Variants in DIDO1 observed in about 807,000 individuals in gnomAD.
DIDO1 encodes the protein death inducer-obliterator 1, also known as death-inducer obliterator 1.
In DIDO1, 16 loss-of-function variants were observed where a neutral mutation model predicts 99.4. That is an observed-to-expected ratio of 0.16 (90% CI 0.11 to 0.24). The LOEUF (loss-of-function observed/expected upper bound fraction) is 0.24, where lower values mean the gene tolerates loss of function less well. Among genes scored for constraint, DIDO1 ranks in the 10% least tolerant of loss-of-function variants. The pLI, the probability that DIDO1 is intolerant of heterozygous loss-of-function variation, is 1.00. For missense variants in DIDO1, 2,996 were observed against 3,014.0 expected (o/e 0.99, Z 0.14); for synonymous variants, 1,366 against 1,239.1 (o/e 1.10, Z -2.15).
intron 6 of DIDO1, among the ~76,000 whole-genome samples, chr20:62,900,653 A>T (rs979154749): frequency 6.6e-6 from 1 of 152,210 alleles, no homozygotes; most frequent in Non-Finnish European, 1.5e-5. Flanking sequence ...CCCACAGGGA[A>T]AGGAACTGGT....
intron 13 of DIDO1, among the ~76,000 whole-genome samples, 161 bp from the exon 14 acceptor site, chr20:62,892,237 C>G (rs2064413944): frequency 6.6e-6 from 1 of 152,214 alleles, no homozygotes; most frequent in Non-Finnish European, 1.5e-5. Context: ...TCCAGGATGA[C>G]AAGTGGCCAA....
intron 6 of DIDO1, among the ~76,000 whole-genome samples, chr20:62,897,383 CTGTT>C (rs2064560014): frequency 6.6e-6 from 1 of 152,222 alleles, no homozygotes; most frequent in African/African-American, 2.4e-5. Flanking sequence ...CAAGTGCAAA[CTGTT>C]TGTAAACTTC....
Position 62,896,235 on chromosome 20 carries a change from G to T in DIDO1, c.2212C>A (p.Gln738Lys). 2 of 1,612,968 alleles carry T rather than the reference G, an allele frequency of 1.2e-6. No individual in the cohort carries two copies. Among genetic ancestry groups the T allele is most frequent in the Non-Finnish European group, 1.7e-6 (2 of 1,179,642 alleles). Residue 738 changes from glutamine (Q) to lysine (K), a missense_variant and splice_region_variant, in exon 8 of 16, where the codon CAG (glutamine) becomes AAG (lysine). This residue lies in a region of DIDO1 where 898 missense variants were observed against 972.7 expected (regional missense o/e 0.92). Coordinates refer to ENST00000395343, the MANE Select transcript of DIDO1 (RefSeq NM_001193369.2). The surrounding 1 kb of genome is among the most constrained non-coding windows in gnomAD (Gnocchi z 4.4). ...IMFNLKDPKN[Q>K]GLFHRVLREE... ...ATGCACCGACACCAGGCACACACCT[G>T]ATTTTTAGGGTCCTTCAGGTTGAAC...
chr20:62,898,286 C>G (rs2064582525), intron 6 of DIDO1, among the ~76,000 whole-genome samples: 1 of 152,210 alleles, frequency 6.6e-6, no homozygotes, highest in South Asian at 2.1e-4. Context: ...GCATGTGCTG[C>G]CAGGCTTGGC....
rs371532569 is a variant in DIDO1, at chr20:62,880,381, G to A, written c.5575C>T (p.Pro1859Ser). 1.4e-5 allele frequency: 23 copies of A among 1,612,848 alleles called. No homozygotes were observed. Among genetic ancestry groups the A allele is most frequent in the Non-Finnish European group, 1.9e-5 (22 of 1,180,016 alleles). ...GGGGCGCCCGTCACCTCGTTATACG[G>A]GGCGTCCTGGAACTCCCTCTTCTCC... Reference protein sequence around the residue: ...HGEKREFQDAPYNEVTGAPAQ... With the variant: ...HGEKREFQDASYNEVTGAPAQ... The change falls in exon 16 of 16, where the codon CCG (proline) becomes TCG (serine). Residue 1859 changes from proline (P) to serine (S), a missense_variant. Coordinates refer to ENST00000395343, the MANE Select transcript of DIDO1 (RefSeq NM_001193369.2).
At position 62,892,870 on chromosome 20, in the gene DIDO1, C is replaced by T. The variant is rs146816071; in HGVS notation, c.3194G>A (p.Ser1065Asn). The T allele has an allele frequency of 4.8e-5, 77 of 1,613,990 alleles. No individual in the cohort carries two copies. The highest frequency in any genetic ancestry group is 6.1e-5 in the Non-Finnish European group (72 of 1,180,022). Residue 1065 changes from serine (S) to asparagine (N), a missense_variant, in exon 13 of 16, where the codon AGT (serine) becomes AAT (asparagine). This residue lies in a region of DIDO1 where 135 missense variants were observed against 202.3 expected (regional missense o/e 0.67). Coordinates refer to ENST00000395343, the MANE Select transcript of DIDO1 (RefSeq NM_001193369.2). ...CGCCTTAGTGACAAATTTTGCCACA[C>T]TCTGCATGTTAATAAATCCTTTCCA... is the stretch of plus-strand genomic sequence containing the variant. ...TIWKGFINMQ[S>N]VAKFVTKAYP...
rs1048946430 is a variant in DIDO1 at position 62,888,324 on chromosome 20, TAAC to T, written c.3541+2633_3541+2635del. The T allele has an allele frequency of 8.1e-6, 8 of 985,366 alleles. No individual in the cohort carries two copies. In the African/African-American group the frequency reaches 8.7e-5, roughly 11 times the overall value. The allele number at this position is 985,366 out of a possible 1,614,324, so 61.0% of individuals were successfully genotyped here. On this transcript the variant is annotated intron_variant, in intron 15 of 15. Coordinates refer to ENST00000395343, the MANE Select transcript of DIDO1 (RefSeq NM_001193369.2). ...TCTACCCCCAACAGGACCTTCTCCT[TAAC>T]ATCCCCAGGGGAAGATGCTCCCACA...
rs140371596 is a variant in DIDO1, at chr20:62,923,586, C to T, written c.-200+2853G>A. Among the ~76,000 whole-genome samples, 1,168 of 152,348 alleles carry T rather than the reference C, an allele frequency of 7.7e-3. 7 individuals are homozygous for T. The highest frequency in any genetic ancestry group is 0.013 in the Non-Finnish European group (872 of 68,028). ...CCAGGGCAGTGGCCACAGCCTCCAA[C>T]GCATCCCGTTCACTAGTGCAAAACA... is the stretch of plus-strand genomic sequence containing the variant. On this transcript the variant is annotated intron_variant, in intron 1 of 15. Transcript: ENST00000395343.
Position 62,882,356 on chromosome 20 carries a change from T to G in DIDO1, c.3600A>C (p.Lys1200Asn), listed in dbSNP as rs1353444724. The G allele has an allele frequency of 6.2e-7, 1 of 1,613,994 alleles. No homozygotes were observed. The highest frequency in any genetic ancestry group is 1.3e-5 in the African/African-American group (1 of 75,030). ...CTAACTCTCCACTGTTTGCGGGACGTTTGATTTTTTGGCAGATTACTAACC... is the reference window on the plus strand; with the variant it reads ...CTAACTCTCCACTGTTTGCGGGACGGTTGATTTTTTGGCAGATTACTAACC... Reference protein sequence around the residue: ...ILGLVICQKIKRPANSGELDK... With the variant: ...ILGLVICQKINRPANSGELDK... Residue 1200 changes from lysine (K) to asparagine (N), a missense_variant, in exon 16 of 16, where the codon AAA (lysine) becomes AAC (asparagine). By Grantham distance (94) the Lys-to-Asn change is moderately conservative. Coordinates refer to ENST00000395343, the MANE Select transcript of DIDO1 (RefSeq NM_001193369.2).
rs2064528260 is a variant in DIDO1 at position 62,896,558 on chromosome 20, C to T, written c.2027G>A (p.Arg676His). ...PNSQIRQNIR[R>H]SLKEILWKRV... ...TTTCCACAAAATCTCTTTTAAGGAG[C>T]GTCTGATATTTTGCCGAATTTGTGA... The change falls in exon 7 of 16, where the codon CGC becomes CAC. Residue 676 changes from arginine (R) to histidine (H), a missense_variant. By Grantham distance (29) the Arg-to-His change is conservative (BLOSUM62 0). Around this residue, in one of 5 missense-constraint regions of DIDO1, gnomAD observed 898 missense variants for 972.7 expected, o/e 0.92. Transcript: ENST00000395343. The surrounding 1 kb of genome is among the most constrained non-coding windows in gnomAD (Gnocchi z 4.4). The T allele has an allele frequency of 1.3e-6, 2 of 1,590,340 alleles. No individual in the cohort carries two copies. Among genetic ancestry groups the T allele is most frequent in the Non-Finnish European group, 1.7e-6 (2 of 1,169,332 alleles).
In DIDO1 at chr20:62,880,408, C is replaced by T; in HGVS notation, c.5548G>A (p.Gly1850Arg). Residue 1850 changes from glycine to arginine, a missense_variant, in exon 16 of 16, where the codon GGG (glycine) becomes AGG (arginine). Around this residue, in one of 5 missense-constraint regions of DIDO1, gnomAD observed 1,562 missense variants for 1,412.6 expected, o/e 1.11. Coordinates refer to ENST00000395343, the MANE Select transcript of DIDO1 (RefSeq NM_001193369.2). ...GCGTCCTGGAACTCCCTCTTCTCCC[C>T]ATGGGGATCCTTGCGTTCTTCAAAT... is the stretch of plus-strand genomic sequence containing the variant. ...SQFEERKDPH[G>R]EKREFQDAPY... is the part of the protein sequence containing the mutation. The T allele has an allele frequency of 6.2e-7, 1 of 1,612,884 alleles. No homozygotes were observed. The highest frequency in any genetic ancestry group is 8.5e-7 in the Non-Finnish European group (1 of 1,180,024).
chr20:62,896,477 T>G lies in DIDO1; in HGVS notation c.2054+54A>C. ...CAGTGAGGCAATCCTGCAGCCACAC[T>G]CTAATGAAAGCCCTTCCATTTTAAT... On this transcript the variant is annotated intron_variant, in intron 7 of 15. Coordinates refer to ENST00000395343, the MANE Select transcript of DIDO1 (RefSeq NM_001193369.2). The surrounding 1 kb of genome is among the most constrained non-coding windows in gnomAD (Gnocchi z 4.4). The G allele has an allele frequency of 6.3e-7, 1 of 1,585,938 alleles. No individual in the cohort carries two copies. Among genetic ancestry groups the G allele is most frequent in the Non-Finnish European group, 8.5e-7 (1 of 1,169,634 alleles).
chr20:62,903,837 G>A (rs117897624), intron 6 of DIDO1, among the ~76,000 whole-genome samples: 44 of 152,308 alleles, frequency 2.9e-4, no homozygotes, highest in Non-Finnish European at 5.1e-4. Flanking sequence ...GCTTCCCAGA[G>A]GAGCTGATGT....
At chr20:62,928,417 C>A (rs989284876), upstream of DIDO1, among the ~76,000 whole-genome samples, 32 of 152,272 alleles carry the variant, frequency 2.1e-4, no homozygotes, top group African/African-American at 6.0e-4. Context: ...TCTCATCTCC[C>A]CCGCCCCCCA....
chr20:62,887,217 C>A, intron 15 of DIDO1: 1 of 985,480 alleles, frequency 1.0e-6, no homozygotes, highest in Non-Finnish European at 1.2e-6. Flanking sequence ...GGACCAGTTT[C>A]CATGAAAGAT....
upstream of DIDO1, among the ~76,000 whole-genome samples, chr20:62,930,218 C>CA (rs11477620): frequency 0.017 from 2,385 of 140,450 alleles, 30 homozygotes; most frequent in South Asian, 0.073. Context: ...AACAAACAAA[C>CA]AAAAAAAAAA....
At chr20:62,931,177 C>G (rs1201308126), upstream of DIDO1, among the ~76,000 whole-genome samples, 1 of 152,108 alleles carries the variant, frequency 6.6e-6, no homozygotes, top group Non-Finnish European at 1.5e-5. Flanking sequence ...CAGGGATCCA[C>G]TCGCCTCTGC....
At chr20:62,907,662 C>A (rs954026456) in intron 4 of DIDO1, among the ~76,000 whole-genome samples, 1 of 152,234 alleles carries the variant, frequency 6.6e-6, no homozygotes, top group Non-Finnish European at 1.5e-5. Flanking sequence ...GACCTCACAT[C>A]CACGATGAGG....
chr20:62,880,171 G>A lies in DIDO1; in HGVS notation c.5785C>T (p.Pro1929Ser), dbSNP rs2064174613. ...PPGHFVGPRG[P>S]HPSQFETARG... The stretch of plus-strand genomic sequence containing the variant: ...GCAGTTTCAAACTGACTAGGATGGG[G>A]CCCTCTTGGGCCCACGAAATGACCA... Residue 1929 changes from proline (P) to serine (S), a missense_variant, in exon 16 of 16, where the codon CCC (proline) becomes TCC (serine). Around this residue, in one of 5 missense-constraint regions of DIDO1, gnomAD observed 1,562 missense variants for 1,412.6 expected, o/e 1.11. Transcript: ENST00000395343. The A allele has an allele frequency of 1.2e-6, 2 of 1,612,296 alleles. No homozygotes were observed. The highest frequency in any genetic ancestry group is 1.7e-6 in the Non-Finnish European group (2 of 1,179,860).
Sources: allele counts gnomAD v4.1 joint callset (sites outside exome capture counted in the v4.1 genomes callset), GRCh38; gene constraint gnomAD v4.1.1; regional missense constraint gnomAD v4.1.1; non-coding constraint Gnocchi (gnomAD v3.1); transcripts MANE v1.5; gene names NCBI Gene and HGNC (gene_info 2026-07-23, HGNC 2026-07-21).